The following SLIT1 variants were observed in gnomAD, a reference collection of about 807,000 sequenced individuals.
The protein encoded by SLIT1 is slit homolog 1 protein.
In SLIT1, 66 loss-of-function variants were observed where a neutral mutation model predicts 186.1. The ratio of observed to expected loss-of-function variants is 0.35; its 90% CI spans 0.29 to 0.44. The LOEUF (loss-of-function observed/expected upper bound fraction) is 0.44, where lower values mean the gene tolerates loss of function less well. SLIT1 is among the 20% of genes least tolerant of loss of function. SLIT1 has a pLI of 1.00. For missense variants in SLIT1, 1,638 were observed against 2,037.4 expected (o/e 0.80, Z 3.77); for synonymous variants, 761 against 833.8 (o/e 0.91, Z 1.50).
At chr10:97,078,797 C>T (rs760675179) in intron 4 of SLIT1, among the ~76,000 whole-genome samples, 29 of 152,348 alleles carry the variant, frequency 1.9e-4, no homozygotes, top group Non-Finnish European at 2.6e-4. Context: ...GCGAGGCCTC[C>T]GGGCTTACTC....
At chr10:97,164,676 A>T (rs537130895) in intron 2 of SLIT1, 143 bp downstream of exon 2, 84 of 682,100 alleles carry the variant, frequency 1.2e-4, no homozygotes, top group Admixed American at 5.7e-4. Context: ...CCCACCCGAC[A>T]CCCCTCAGGA....
chr10:97,167,728 G>A (rs1850138672), intron 1 of SLIT1, among the ~76,000 whole-genome samples: 1 of 152,204 alleles, frequency 6.6e-6, no homozygotes, highest in East Asian at 1.9e-4. Context: ...ATGTGTCATG[G>A]GAGGGAGCCG....
At chr10:97,140,714 G>C (rs1267682591) in intron 4 of SLIT1, among the ~76,000 whole-genome samples, 1 of 152,218 alleles carries the variant, frequency 6.6e-6, no homozygotes, top group Non-Finnish European at 1.5e-5. Context: ...GGCGATGGCT[G>C]GGTGGGGGCA....
chr10:97,014,683 A>G (rs1300353879), intron 28 of SLIT1, among the ~76,000 whole-genome samples: 1 of 152,178 alleles, frequency 6.6e-6, no homozygotes, highest in Non-Finnish European at 1.5e-5. Context: ...CCTGGCCAAC[A>G]TGGGGAAACG....
chr10:97,161,000 C>T (rs1850018364), intron 3 of SLIT1, among the ~76,000 whole-genome samples: 2 of 152,230 alleles, frequency 1.3e-5, no homozygotes, highest in African/African-American at 4.8e-5. Flanking sequence ...GCTGGGATTA[C>T]AGGCATGAGC....
In SLIT1 at chr10:97,021,192, C is replaced by A; in HGVS notation, c.2746+58G>T. On this transcript the variant is annotated intron_variant, in intron 26 of 36. Transcript: ENST00000266058. The surrounding 1 kb of genome is among the most constrained non-coding windows in gnomAD (Gnocchi z 4.5). Reference sequence around the variant, plus strand: ...ACGCAGGCATGTTAGGAAGGCCCTGCAGTGTTGGGCAAGTTCTGTGAGCCC... The same window carrying A: ...ACGCAGGCATGTTAGGAAGGCCCTGAAGTGTTGGGCAAGTTCTGTGAGCCC... 6.5e-7 allele frequency: 1 copy of A among 1,547,746 alleles called. No homozygotes were observed. Among genetic ancestry groups the A allele is most frequent in the East Asian group, 2.3e-5 (1 of 43,734 alleles).
chr10:97,118,544 G>A (rs150328061), intron 4 of SLIT1, among the ~76,000 whole-genome samples: 5 of 152,206 alleles, frequency 3.3e-5, no homozygotes, highest in East Asian at 3.9e-4. Context: ...AATGGCCGTC[G>A]CAGGTTCTGA....
At chr10:97,058,384 T>C (rs1216493518) in intron 11 of SLIT1, among the ~76,000 whole-genome samples, 1 of 152,174 alleles carries the variant, frequency 6.6e-6, no homozygotes, top group Admixed American at 6.5e-5. Context: ...TTGGTTGGGT[T>C]ATTCACTTTT....
At chr10:97,083,068 C>T (rs12254160) in intron 4 of SLIT1, among the ~76,000 whole-genome samples, 1 of 151,902 alleles carries the variant, frequency 6.6e-6, no homozygotes, top group Admixed American at 6.6e-5. Flanking sequence ...TCTGGGCACA[C>T]CCCCACCATG....
At chr10:97,091,939 C>T (rs1849236694) in intron 4 of SLIT1, among the ~76,000 whole-genome samples, 1 of 152,220 alleles carries the variant, frequency 6.6e-6, no homozygotes. Context: ...GTCTTGCTCA[C>T]AATTCACACA....
chr10:97,169,977 C>G (rs930256889), intron 1 of SLIT1, among the ~76,000 whole-genome samples: 5 of 152,248 alleles, frequency 3.3e-5, no homozygotes, highest in Admixed American at 3.3e-4. Flanking sequence ...GCTGGACTCT[C>G]CCTTTGTCCC....
At chr10:97,170,492 C>T (rs535152582) in intron 1 of SLIT1, among the ~76,000 whole-genome samples, 13 of 152,338 alleles carry the variant, frequency 8.5e-5, no homozygotes, top group African/African-American at 2.6e-4. Flanking sequence ...CAGCTCCAGC[C>T]GGTGCTGGAC....
intron 4 of SLIT1, among the ~76,000 whole-genome samples, chr10:97,118,734 G>A (rs1050489805): frequency 1.4e-4 from 21 of 152,200 alleles, no homozygotes; most frequent in Middle Eastern, 3.4e-3. Context: ...ACGTAACCTT[G>A]GGCAAGTTAC....
intron 1 of SLIT1, among the ~76,000 whole-genome samples, chr10:97,166,628 A>AGAAAGAAAG (rs1373795152): frequency 8.2e-5 from 12 of 146,200 alleles, no homozygotes; most frequent in Middle Eastern, 3.5e-3. Flanking sequence ...AGAAAGAGAA[A>AGAAAGAAAG]AGAAAAGAAA....
intron 34 of SLIT1, among the ~76,000 whole-genome samples, chr10:97,003,357 C>T (rs1418606255): frequency 2.6e-5 from 4 of 152,220 alleles, no homozygotes; most frequent in Non-Finnish European, 5.9e-5. Context: ...GGGGCAGGAC[C>T]GAGACATCAC....
At chr10:97,044,297 G>A (rs1848716619) in intron 18 of SLIT1, among the ~76,000 whole-genome samples, 1 of 152,182 alleles carries the variant, frequency 6.6e-6, no homozygotes, top group Non-Finnish European at 1.5e-5. Context: ...TTGGGAGGCT[G>A]AGGTGGGAGG....
At chr10:97,017,838 A>ATTTTC (rs1848467010) in intron 28 of SLIT1, among the ~76,000 whole-genome samples, 1 of 144,702 alleles carries the variant, frequency 6.9e-6, no homozygotes, top group Non-Finnish European at 1.5e-5. Context: ...GTGAATGGAA[A>ATTTTC]TTTTCTTTTC....
chr10:97,099,947 T>C (rs370768409), intron 4 of SLIT1, among the ~76,000 whole-genome samples: 1 of 152,244 alleles, frequency 6.6e-6, no homozygotes, highest in East Asian at 1.9e-4. Flanking sequence ...AATAATTAAA[T>C]GTCTTATCTG....
chr10:97,021,042 T>C lies in SLIT1; in HGVS notation c.2746+208A>G, dbSNP rs1249296022. Among the ~76,000 whole-genome samples, 1 of 152,274 alleles carries C rather than the reference T, an allele frequency of 6.6e-6. No homozygotes were observed. The highest frequency in any genetic ancestry group is 1.5e-5 in the Non-Finnish European group (1 of 68,052). On this transcript the variant is annotated intron_variant, in intron 26 of 36. Transcript: ENST00000266058. The surrounding 1 kb of genome is among the most constrained non-coding windows in gnomAD (Gnocchi z 4.5). ...TAACCACAGGGAGGGATTACGGCCC[T>C]GACGGCCTGGGATTTTTCTGCCTGG...
Sources: allele counts gnomAD v4.1 joint callset (sites outside exome capture counted in the v4.1 genomes callset), GRCh38; gene constraint gnomAD v4.1.1; non-coding constraint Gnocchi (gnomAD v3.1); transcripts MANE v1.5; gene names NCBI Gene and HGNC (gene_info 2026-07-23, HGNC 2026-07-21).